The following PRKCA variants were observed in gnomAD, a reference collection of about 807,000 sequenced individuals.
The protein encoded by PRKCA is protein kinase C alpha, also known as protein kinase C alpha type.
In PRKCA, 27 loss-of-function variants were observed where a neutral mutation model predicts 87.0. That is an observed-to-expected ratio of 0.31 (90% confidence interval 0.23 to 0.43). The LOEUF is 0.43. Among genes scored for constraint, PRKCA ranks in the 20% least tolerant of loss-of-function variants. The pLI, the probability that PRKCA is intolerant of heterozygous loss-of-function variation, is 1.00. For synonymous variants in PRKCA, 329 were observed against 311.1 expected (o/e 1.06, Z -0.61); for missense variants, 518 against 852.3 (o/e 0.61, Z 4.88).
intron 14 of PRKCA, chr17:66,775,423 T>C: frequency 2.0e-6 from 2 of 985,204 alleles, no homozygotes; most frequent in Non-Finnish European, 2.4e-6. Context: ...TTGGCCCCAG[T>C]GGGACACAAA....
intron 2 of PRKCA, among the ~76,000 whole-genome samples, chr17:66,466,534 C>T (rs1915095370): frequency 6.6e-6 from 1 of 152,142 alleles, no homozygotes; most frequent in Admixed American, 6.5e-5. Flanking sequence ...CTTCTCCTTA[C>T]CTCAAAATGG....
chr17:66,404,995 T>G (rs1054641768), intron 2 of PRKCA, among the ~76,000 whole-genome samples: 2 of 151,852 alleles, frequency 1.3e-5, no homozygotes, highest in African/African-American at 4.8e-5. Context: ...AGTGATCCAC[T>G]CACCTCGGCC....
chr17:66,479,171 G>GA (rs1270139657), intron 2 of PRKCA, among the ~76,000 whole-genome samples: 3 of 151,768 alleles, frequency 2.0e-5, no homozygotes, highest in Middle Eastern at 3.4e-3. Flanking sequence ...AAATTTACAA[G>GA]AAAAAAACAA....
intron 3 of PRKCA, among the ~76,000 whole-genome samples, chr17:66,586,755 A>G (rs1969610098): frequency 6.6e-6 from 1 of 152,198 alleles, no homozygotes; most frequent in African/African-American, 2.4e-5. Flanking sequence ...ACTCCAGTGA[A>G]GCTTGAGTTT....
chr17:66,409,747 G>A lies in PRKCA; in HGVS notation c.206-86454G>A, dbSNP rs569622482. ...GATCGAGACCATCCTGGTTAACACG[G>A]TGAAACCCCGTCTCCACTAAAAAGT... On this transcript the variant is annotated intron_variant, in intron 2 of 16. Transcript: ENST00000413366. Among the ~76,000 whole-genome samples, 88 of 152,242 alleles carry A rather than the reference G, an allele frequency of 5.8e-4. 1 individual carries two copies. Among genetic ancestry groups the A allele is most frequent in the African/African-American group, 2.1e-3 (86 of 41,546 alleles).
At chr17:66,384,376 G>C (rs1318791879) in intron 2 of PRKCA, among the ~76,000 whole-genome samples, 1 of 152,054 alleles carries the variant, frequency 6.6e-6, no homozygotes, top group Non-Finnish European at 1.5e-5. Flanking sequence ...ACAGGGCTTT[G>C]GAAACTCATT....
intron 3 of PRKCA, among the ~76,000 whole-genome samples, chr17:66,586,004 T>G (rs1598794011): frequency 6.6e-6 from 1 of 152,184 alleles, no homozygotes. Context: ...TCCAGATAAA[T>G]GGGGAGTTGA....
At chr17:66,402,322 G>A (rs555267357) in intron 2 of PRKCA, among the ~76,000 whole-genome samples, 1 of 151,882 alleles carries the variant, frequency 6.6e-6, no homozygotes, top group South Asian at 2.1e-4. Context: ...ACTAATTTCA[G>A]GTAAATGTTT....
chr17:66,565,894 C>T (rs1160018818), intron 3 of PRKCA, among the ~76,000 whole-genome samples: 4 of 151,926 alleles, frequency 2.6e-5, no homozygotes, highest in East Asian at 1.9e-4. Context: ...TTGACTACCC[C>T]GGGAAATCAA....
intron 2 of PRKCA, among the ~76,000 whole-genome samples, chr17:66,361,911 A>G (rs1254620118): frequency 1.3e-5 from 2 of 152,332 alleles, no homozygotes; most frequent in East Asian, 1.9e-4. Context: ...ACAGAGAACA[A>G]TGTGAGAGTG....
At chr17:66,730,898 G>A (rs944977318) in intron 8 of PRKCA, among the ~76,000 whole-genome samples, 6 of 152,136 alleles carry the variant, frequency 3.9e-5, no homozygotes, top group Admixed American at 2.0e-4. Flanking sequence ...ATGATTCCTC[G>A]GAAGCCTTCT....
At chr17:66,670,400 T>A (rs890342086) in intron 5 of PRKCA, among the ~76,000 whole-genome samples, 2 of 152,106 alleles carry the variant, frequency 1.3e-5, no homozygotes, top group African/African-American at 2.4e-5. Flanking sequence ...GGAAGTAGGA[T>A]GGGAGCTCAC....
At chr17:66,762,590 G>A (rs1974709034) in intron 13 of PRKCA, among the ~76,000 whole-genome samples, 1 of 152,120 alleles carries the variant, frequency 6.6e-6, no homozygotes, top group South Asian at 2.1e-4. Flanking sequence ...GAGAGCTGGG[G>A]GTGTTTCACT....
intron 2 of PRKCA, among the ~76,000 whole-genome samples, chr17:66,475,209 C>T (rs1027958510): frequency 8.5e-5 from 13 of 152,122 alleles, no homozygotes; most frequent in African/African-American, 3.1e-4. Context: ...ACAGTGAGGG[C>T]TTGGAACCCT....
chr17:66,547,681 G>T (rs1444538312), intron 3 of PRKCA, among the ~76,000 whole-genome samples: 1 of 152,158 alleles, frequency 6.6e-6, no homozygotes, highest in Admixed American at 6.6e-5. Context: ...CATTTTGACA[G>T]CTTCAAATAT....
chr17:66,364,631 G>A (rs1416372843), intron 2 of PRKCA, among the ~76,000 whole-genome samples: 2 of 152,186 alleles, frequency 1.3e-5, no homozygotes, highest in Non-Finnish European at 2.9e-5. Flanking sequence ...GAGTGCGGGA[G>A]CAGGGAGGGT....
At chr17:66,634,169 C>T (rs1224927128) in intron 3 of PRKCA, among the ~76,000 whole-genome samples, 4 of 152,114 alleles carry the variant, frequency 2.6e-5, no homozygotes, top group Non-Finnish European at 4.4e-5. Flanking sequence ...AACAGGCCAG[C>T]GGATGCTTTC....
At chr17:66,592,872 A>C (rs1598800666) in intron 3 of PRKCA, among the ~76,000 whole-genome samples, 1 of 152,318 alleles carries the variant, frequency 6.6e-6, no homozygotes, top group African/African-American at 2.4e-5. Context: ...GGCTCACTGC[A>C]ACTTCCATCT....
intron 2 of PRKCA, among the ~76,000 whole-genome samples, chr17:66,421,084 C>T (rs979280799): frequency 1.3e-5 from 2 of 152,176 alleles, no homozygotes; most frequent in African/African-American, 4.8e-5. Context: ...AGATGAAAAA[C>T]GCATGTTGGA....
Sources: allele counts gnomAD v4.1 joint callset (sites outside exome capture counted in the v4.1 genomes callset), GRCh38; gene constraint gnomAD v4.1.1; transcripts MANE v1.5; gene names NCBI Gene and HGNC (gene_info 2026-07-23, HGNC 2026-07-21).